The following ZCCHC24 variants were observed in gnomAD, a reference collection of about 807,000 sequenced individuals.
ZCCHC24 encodes zinc finger CCHC-type containing 24.
ZCCHC24 carries 10 observed loss-of-function variants against 26.2 expected under a neutral mutation model. The observed-to-expected ratio is 0.38, with a 90% CI of 0.24 to 0.65. ZCCHC24 has a LOEUF of 0.65. Among genes scored for constraint, ZCCHC24 ranks in the 30% least tolerant of loss-of-function variants. The pLI, the probability that ZCCHC24 is intolerant of heterozygous loss-of-function variation, is 0.54. For missense variants in ZCCHC24, 243 were observed against 329.1 expected (o/e 0.74, Z 2.03); for synonymous variants, 144 against 147.1 (o/e 0.98, Z 0.15).
At chr10:79,434,951 C>T (rs1857194933) in intron 1 of ZCCHC24, among the ~76,000 whole-genome samples, 2 of 152,102 alleles carry the variant, frequency 1.3e-5, no homozygotes, top group Non-Finnish European at 2.9e-5. Context: ...TCAGGTACAA[C>T]CAGCCCAGCC....
At chr10:79,394,150 G>T in intron 3 of ZCCHC24, 126 bp downstream of exon 3, 1 of 1,322,078 alleles carries the variant, frequency 7.6e-7, no homozygotes, top group Non-Finnish European at 1.0e-6. Flanking sequence ...CATTTCAGAT[G>T]AGACAAGGAA....
At position 79,432,843 on chromosome 10, in the gene ZCCHC24, A is replaced by G. The variant is rs142649548; in HGVS notation, c.247-85T>C. On this transcript the variant is annotated intron_variant, in intron 1 of 3. Coordinates refer to ENST00000372336, the MANE Select transcript of ZCCHC24 (RefSeq NM_153367.4). The stretch of plus-strand genomic sequence containing the variant: ...CCCACCCAAACACACGCATGGATTC[A>G]CACTGAGTCTTCAGCTACCCGAGGG... 1.7e-4 allele frequency: 241 copies of G among 1,428,272 alleles called. No homozygotes were observed. In the African/African-American group the frequency reaches 3.2e-3, roughly 19 times the overall value. The allele number at this position is 1,428,272 out of a possible 1,614,324, so 88.5% of individuals were successfully genotyped here.
At chr10:79,412,771 C>T (rs529289075) in intron 2 of ZCCHC24, among the ~76,000 whole-genome samples, 7 of 152,178 alleles carry the variant, frequency 4.6e-5, no homozygotes, top group Non-Finnish European at 7.3e-5. Flanking sequence ...CCATTACTGG[C>T]GGCAAGAGCT....
intron 1 of ZCCHC24, chr10:79,444,284 G>A: frequency 1.4e-6 from 2 of 1,419,340 alleles, no homozygotes; most frequent in Non-Finnish European, 1.8e-6. Context: ...CCACGGAAAG[G>A]AGTGGTATCT....
chr10:79,414,300 T>G (rs1856833352), intron 2 of ZCCHC24, among the ~76,000 whole-genome samples: 1 of 152,232 alleles, frequency 6.6e-6, no homozygotes, highest in South Asian at 2.1e-4. Flanking sequence ...GTGTTGGAAT[T>G]ACAGACATGG....
intron 3 of ZCCHC24, among the ~76,000 whole-genome samples, chr10:79,390,238 C>T (rs948008209): frequency 5.3e-5 from 8 of 152,178 alleles, no homozygotes; most frequent in Admixed American, 5.2e-4. Context: ...TGCTGTGTGA[C>T]CTTTAGCAAA....
At chr10:79,423,609 A>ATATATATATATATT (rs1275156307) in intron 2 of ZCCHC24, among the ~76,000 whole-genome samples, 5 of 139,804 alleles carry the variant, frequency 3.6e-5, no homozygotes, top group South Asian at 2.3e-4. Flanking sequence ...ATATATATAT[A>ATATATATATATATT]TTTTCTGACT....
intron 2 of ZCCHC24, among the ~76,000 whole-genome samples, chr10:79,418,284 T>C (rs1002996426): frequency 2.6e-5 from 4 of 152,198 alleles, no homozygotes; most frequent in Non-Finnish European, 4.4e-5. Context: ...GCTTCATTGC[T>C]GATGCCACTT....
intron 2 of ZCCHC24, chr10:79,403,698 G>A (rs2132187131): frequency 1.4e-6 from 1 of 739,860 alleles, no homozygotes; most frequent in Admixed American, 6.3e-5. Context: ...TCCTGCTGCA[G>A]CCCAGCATGG....
At chr10:79,419,290 G>A (rs1856908717) in intron 2 of ZCCHC24, among the ~76,000 whole-genome samples, 1 of 152,210 alleles carries the variant, frequency 6.6e-6, no homozygotes, top group South Asian at 2.1e-4. Context: ...GAGTGCTTGT[G>A]GGATGCCAAG....
At chr10:79,408,353 C>T (rs1161894643) in intron 2 of ZCCHC24, among the ~76,000 whole-genome samples, 3 of 152,194 alleles carry the variant, frequency 2.0e-5, no homozygotes, top group Non-Finnish European at 4.4e-5. Context: ...TTACTATATA[C>T]TGGCATGTAT....
intron 2 of ZCCHC24, among the ~76,000 whole-genome samples, chr10:79,425,957 T>C (rs1357415137): frequency 2.0e-5 from 3 of 152,222 alleles, no homozygotes; most frequent in Non-Finnish European, 4.4e-5. Flanking sequence ...GACCATGGCC[T>C]AGGCACAGCC....
intron 2 of ZCCHC24, among the ~76,000 whole-genome samples, chr10:79,419,142 G>A (rs1031426898): frequency 9.2e-5 from 14 of 152,138 alleles, no homozygotes; most frequent in South Asian, 6.2e-4. Context: ...CCAGGTATCC[G>A]GGCTGCTTCT....
chr10:79,386,455 G>T lies in ZCCHC24; in HGVS notation c.616C>A (p.Pro206Thr), dbSNP rs747994651. Residue 206 changes from proline (P) to threonine (T), a missense_variant, in exon 4 of 4, where the codon CCC (proline) becomes ACC (threonine). Physicochemically the swap from Pro to Thr is conservative, Grantham distance 38. Coordinates refer to ENST00000372336, the MANE Select transcript of ZCCHC24 (RefSeq NM_153367.4). ...HINVYPHKQR[P>T]LEKPDGLDVS... ...TCCAGGCCGTCGGGCTTCTCCAGGGGTCTCTGCAGAGAGAAGGAGGAAGGG... is the reference window on the plus strand; with the variant it reads ...TCCAGGCCGTCGGGCTTCTCCAGGGTTCTCTGCAGAGAGAAGGAGGAAGGG... 1 of 1,594,236 alleles carries T rather than the reference G, an allele frequency of 6.3e-7. No individual in the cohort carries two copies. The highest frequency in any genetic ancestry group is 1.7e-5 in the Admixed American group (1 of 59,284).
chr10:79,426,201 C>T (rs1857024773), intron 2 of ZCCHC24, among the ~76,000 whole-genome samples: 1 of 152,198 alleles, frequency 6.6e-6, no homozygotes, highest in Non-Finnish European at 1.5e-5. Context: ...GCTCCCGTGG[C>T]AGTGAATGCT....
chr10:79,411,282 TAC>T (rs1338897083), intron 2 of ZCCHC24, among the ~76,000 whole-genome samples: 1 of 152,204 alleles, frequency 6.6e-6, no homozygotes, highest in Non-Finnish European at 1.5e-5. Flanking sequence ...TCTTTAGATT[TAC>T]AGTCTAATGT....
At chr10:79,402,597 C>T (rs1405097777) in intron 2 of ZCCHC24, among the ~76,000 whole-genome samples, 2 of 152,186 alleles carry the variant, frequency 1.3e-5, no homozygotes, top group Non-Finnish European at 2.9e-5. Context: ...TTTCTATCTT[C>T]CATGTGAGGG....
At chr10:79,443,915 A>T (rs1292771960) in intron 1 of ZCCHC24, among the ~76,000 whole-genome samples, 1 of 152,210 alleles carries the variant, frequency 6.6e-6, no homozygotes, top group African/African-American at 2.4e-5. Context: ...CACCCAGGTC[A>T]ACAGGTCAGC....
At chr10:79,406,017 C>A (rs1281237960) in intron 2 of ZCCHC24, among the ~76,000 whole-genome samples, 3 of 152,224 alleles carry the variant, frequency 2.0e-5, no homozygotes, top group Non-Finnish European at 4.4e-5. Context: ...GAGAAGCAAA[C>A]TTTCCATCTC....
Sources: gnomAD v4.1 joint callset for allele counts (sites outside exome capture counted in the v4.1 genomes callset) on GRCh38, gnomAD v4.1.1 for gene constraint, MANE v1.5 for transcripts, NCBI Gene and HGNC (gene_info 2026-07-23, HGNC 2026-07-21) for gene names.